Variants in FREM2 observed in about 807,000 individuals in gnomAD.
FREM2 encodes the protein FRAS1 related extracellular matrix 2.
Under a neutral mutation model 219.9 loss-of-function variants are expected in FREM2, and 119 were observed. The ratio of observed to expected loss-of-function variants is 0.54; its 90% CI spans 0.47 to 0.63. The LOEUF (loss-of-function observed/expected upper bound fraction) is 0.63. FREM2 is among the 30% of genes least tolerant of loss of function. The pLI, the probability that FREM2 is intolerant of heterozygous loss-of-function variation, is 0.00. For synonymous variants in FREM2, 1,562 were observed against 1,522.8 expected, an observed-to-expected ratio of 1.03 and a Z score of -0.60; for missense variants, 4,030 against 3,993.6, an observed-to-expected ratio of 1.01 and a Z score of -0.25.
At chr13:38,712,228 A>G (rs545087994) in intron 2 of FREM2, among the ~76,000 whole-genome samples, 53 of 152,310 alleles carry the variant, frequency 3.5e-4, no homozygotes, top group Non-Finnish European at 4.9e-4. Context: ...AACAGAGCAG[A>G]GCCAAAGCAT....
intron 6 of FREM2, among the ~76,000 whole-genome samples, chr13:38,789,447 C>A (rs568878268): frequency 4.6e-4 from 69 of 150,874 alleles, no homozygotes; most frequent in African/African-American, 1.6e-3. Context: ...CTTCTATCCT[C>A]TCTCTCTCTG....
In FREM2 at chr13:38,691,733, T is replaced by C; in HGVS notation, c.4389T>C (p.Ala1463=). Residue 1463 remains alanine, a synonymous_variant, in exon 1 of 24, where the codon GCT becomes GCC. Coordinates refer to ENST00000280481, the MANE Select transcript of FREM2 (RefSeq NM_207361.6). The stretch of plus-strand genomic sequence containing the variant: ...ACTTGGTTTTTACCATCACCAGGGC[T>C]CCCATGCGAGGTCACCTGGAATGCA... ...DENLVFTITR[A]PMRGHLECTD... 2 of 1,613,590 alleles carry C rather than the reference T, an allele frequency of 1.2e-6. No homozygotes were observed. The highest frequency in any genetic ancestry group is 1.7e-6 in the Non-Finnish European group (2 of 1,179,582).
At chr13:38,852,733 C>T (rs1212808530) in intron 11 of FREM2, among the ~76,000 whole-genome samples, 1 of 143,464 alleles carries the variant, frequency 7.0e-6, no homozygotes, top group Non-Finnish European at 1.5e-5. Flanking sequence ...GAGACAGAGT[C>T]TCACGCTGTT....
rs541098909 is a variant in FREM2, at chr13:38,880,406, C to T, written c.9129C>T (p.Pro3043=). The part of the protein sequence containing the change: ...EYHSLVSQGK[P]QSTTKSRKKR... Reference sequence around the variant, plus strand: ...ATTCTCTGGTGAGTCAAGGAAAGCCCCAATCCACCACCAAGAGCCGGAAGA... The same window carrying T: ...ATTCTCTGGTGAGTCAAGGAAAGCCTCAATCCACCACCAAGAGCCGGAAGA... The change falls in exon 24 of 24, where the codon CCC becomes CCT. Residue 3043 remains proline (P), a synonymous_variant. Coordinates refer to ENST00000280481, the MANE Select transcript of FREM2 (RefSeq NM_207361.6). The T allele has an allele frequency of 3.7e-6, 6 of 1,613,954 alleles. No individual in the cohort carries two copies. In the African/African-American group the frequency reaches 5.3e-5, roughly 14 times the overall value.
At chr13:38,717,854 A>T (rs1871073052) in intron 2 of FREM2, among the ~76,000 whole-genome samples, 1 of 152,236 alleles carries the variant, frequency 6.6e-6, no homozygotes, top group Non-Finnish European at 1.5e-5. Context: ...CTTGATAAAT[A>T]TGAGTGTTTT....
chr13:38,799,708 T>C (rs1357445233), intron 6 of FREM2, among the ~76,000 whole-genome samples: 2 of 152,100 alleles, frequency 1.3e-5, no homozygotes, highest in Non-Finnish European at 2.9e-5. Flanking sequence ...CCTTTATCAA[T>C]ATATAGTGAC....
At position 38,687,221 on chromosome 13, in the gene FREM2, CAGG is replaced by C; in HGVS notation, c.-119_-117del. The C allele has an allele frequency of 2.9e-6, 4 of 1,376,292 alleles. No homozygotes were observed. Among genetic ancestry groups the C allele is most frequent in the Non-Finnish European group, 4.0e-6 (4 of 994,830 alleles). 85.3% of individuals were successfully genotyped at this position (1,376,292 alleles called of 1,614,324 possible). ...CATCCTTCTGGCCCAGCCCCGGCTACAGGAGGACCCCGCGGGCAACGCGCGGAG... is the reference window on the plus strand; with the variant it reads ...CATCCTTCTGGCCCAGCCCCGGCTACAGGACCCCGCGGGCAACGCGCGGAG... On this transcript the variant is annotated 5_prime_UTR_variant, in exon 1 of 24. Transcript: ENST00000280481.
At position 38,690,561 on chromosome 13, in the gene FREM2, G is replaced by A. The variant is rs1445488501; in HGVS notation, c.3217G>A (p.Glu1073Lys). 1.9e-6 allele frequency: 3 copies of A among 1,614,158 alleles called. No individual in the cohort carries two copies. In the South Asian group the frequency reaches 3.3e-5, roughly 18 times the overall value. ...CCAGGCCCCAGAAATCTTTGTAGGT[G>A]AACAGTTGATAGTAATGGAAGGTGA... ...DSQAPEIFVG[E>K]QLIVMEGDKS... The change falls in exon 1 of 24, where the codon GAA becomes AAA. Residue 1073 changes from glutamate to lysine, a missense_variant. Coordinates refer to ENST00000280481, the MANE Select transcript of FREM2 (RefSeq NM_207361.6).
At chr13:38,869,870 G>T (rs1235514132) in intron 16 of FREM2, among the ~76,000 whole-genome samples, 1 of 152,152 alleles carries the variant, frequency 6.6e-6, no homozygotes, top group Non-Finnish European at 1.5e-5. Flanking sequence ...AATAATTGAA[G>T]ACTGCAGATC....
intron 9 of FREM2, among the ~76,000 whole-genome samples, chr13:38,850,698 A>G (rs1877336459): frequency 6.6e-6 from 1 of 152,236 alleles, no homozygotes; most frequent in Non-Finnish European, 1.5e-5. Flanking sequence ...TTCTAAGATG[A>G]GTGGCAGAGC....
chr13:38,823,993 G>A (rs375260123), intron 6 of FREM2, among the ~76,000 whole-genome samples: 34 of 152,218 alleles, frequency 2.2e-4, no homozygotes, highest in African/African-American at 7.0e-4. Context: ...GAATGAGGCC[G>A]TGTTTCAATG....
At position 38,688,100 on chromosome 13, in the gene FREM2, C is replaced by A. The variant is rs1869580160; in HGVS notation, c.756C>A (p.Leu252=). The change falls in exon 1 of 24, where the codon CTC becomes CTA. Residue 252 remains leucine, a synonymous_variant. Transcript: ENST00000280481. The part of the protein sequence containing the change: ...GAREGGAPET[L]LMDCKAFQEL... ...GAGAGGGAGGCGCCCCGGAGACTCTCCTGATGGACTGCAAAGCTTTCCAGG... is the reference window on the plus strand; with the variant it reads ...GAGAGGGAGGCGCCCCGGAGACTCTACTGATGGACTGCAAAGCTTTCCAGG... 1.9e-6 allele frequency: 3 copies of A among 1,612,958 alleles called. No homozygotes were observed. The highest frequency in any genetic ancestry group is 2.2e-5 in the East Asian group (1 of 44,830).
At chr13:38,723,118 C>G (rs2138110415) in intron 2 of FREM2, among the ~76,000 whole-genome samples, 1 of 152,066 alleles carries the variant, frequency 6.6e-6, no homozygotes, top group South Asian at 2.1e-4. Context: ...ACCTGTAATC[C>G]CAGCTGCTTG....
At chr13:38,785,503 G>A (rs755706440) in intron 6 of FREM2, among the ~76,000 whole-genome samples, 1 of 152,178 alleles carries the variant, frequency 6.6e-6, no homozygotes, top group African/African-American at 2.4e-5. Flanking sequence ...CCCTAACCCT[G>A]GGCTGGTTTT....
chr13:38,856,191 A>G lies in FREM2; in HGVS notation c.6991A>G (p.Arg2331Gly), dbSNP rs772809918. The G allele has an allele frequency of 6.2e-7, 1 of 1,611,904 alleles. No individual in the cohort carries two copies. The highest frequency in any genetic ancestry group is 2.2e-5 in the East Asian group (1 of 44,822). ...VEIEVTFDGVREMREAFTVHL... is the reference protein window; with the variant it reads ...VEIEVTFDGVGEMREAFTVHL... ...AATCGAAGTTACCTTTGACGGGGTG[A>G]GAGAGATGAGAGAGGCCTTCACTGT... The change falls in exon 12 of 24, where the codon AGA becomes GGA. Residue 2331 changes from arginine to glycine, a missense_variant. Physicochemically the swap from Arg to Gly is moderately radical, Grantham distance 125. Transcript: ENST00000280481.
At chr13:38,790,383 C>G (rs1874513803) in intron 6 of FREM2, among the ~76,000 whole-genome samples, 1 of 151,868 alleles carries the variant, frequency 6.6e-6, no homozygotes, top group Non-Finnish European at 1.5e-5. Context: ...TCAATTCTGT[C>G]TTGTGAGAGT....
intron 19 of FREM2, 43 bp downstream of exon 19, chr13:38,876,192 CA>C (rs1470150068): frequency 3.1e-6 from 5 of 1,613,716 alleles, no homozygotes; most frequent in Non-Finnish European, 4.2e-6. Context: ...CTGCTGCTGC[CA>C]TCTGATTACA....
chr13:38,784,336 G>A (rs972124050), intron 5 of FREM2, among the ~76,000 whole-genome samples: 1 of 152,214 alleles, frequency 6.6e-6, no homozygotes, highest in African/African-American at 2.4e-5. Flanking sequence ...AAAGTCAGGA[G>A]TGAACACTTG....
chr13:38,834,159 C>A (rs1223704888), intron 6 of FREM2, among the ~76,000 whole-genome samples: 1 of 151,878 alleles, frequency 6.6e-6, no homozygotes, highest in East Asian at 1.9e-4. Flanking sequence ...CTAATGCTAT[C>A]CCTCCCCTTG....
Sources: allele counts gnomAD v4.1 joint callset (sites outside exome capture counted in the v4.1 genomes callset), GRCh38; gene constraint gnomAD v4.1.1; transcripts MANE v1.5; gene names NCBI Gene and HGNC (gene_info 2026-07-23, HGNC 2026-07-21).